The following RASSF7 variants were observed in gnomAD, a reference collection of about 807,000 sequenced individuals.
The protein encoded by RASSF7 is Ras association domain family member 7.
RASSF7 carries 41 observed loss-of-function variants against 33.8 expected under a neutral mutation model. The observed-to-expected ratio is 1.21, with a 90% CI of 0.95 to 1.57. RASSF7 has a LOEUF of 1.57. Among genes scored for constraint, RASSF7 ranks in the 40% most tolerant of loss-of-function variants. RASSF7 has a pLI of 0.00. For synonymous variants in RASSF7, 298 were observed against 212.8 expected (o/e 1.40, Z -3.48); for missense variants, 622 against 497.0 (o/e 1.25, Z -2.39).
rs1853276432 is a variant in RASSF7 at position 561,163 on chromosome 11, C to T, written c.-322C>T. ...AGCGGGGGCGGCGCCGCACCTGCGC[C>T]CGCCCTGCGGAACGGGGACGCCCTG... On this transcript the variant is annotated 5_prime_UTR_variant, in exon 1 of 6. Coordinates refer to ENST00000397583, the MANE Select transcript of RASSF7 (RefSeq NM_003475.4). 4.1e-6 allele frequency: 4 copies of T among 984,856 alleles called. No homozygotes were observed. Among genetic ancestry groups the T allele is most frequent in the Non-Finnish European group, 2.4e-6 (2 of 829,796 alleles). 61.0% of individuals were successfully genotyped at this position (984,856 alleles called of 1,614,324 possible).
At chr11:561,634 G>A (rs1390004608) in intron 1 of RASSF7, 128 bp from the exon 2 acceptor site, 2 of 1,455,068 alleles carry the variant, frequency 1.4e-6, no homozygotes, top group Admixed American at 2.1e-5. Context: ...TGGCACAGGA[G>A]GGTGGGGCCC....
In RASSF7 at chr11:561,089, C is replaced by G. The variant is rs1260854454; in HGVS notation, c.-396C>G. On this transcript the variant is annotated 5_prime_UTR_variant, in exon 1 of 6. Coordinates refer to ENST00000397583, the MANE Select transcript of RASSF7 (RefSeq NM_003475.4). ...AGCGCGGGGCGCGCCTCGAGCCGGC[C>G]GGACGCCGACTCCAACTGGGGAGAG... 1 of 986,670 alleles carries G rather than the reference C, an allele frequency of 1.0e-6. No homozygotes were observed. The highest frequency in any genetic ancestry group is 1.2e-6 in the Non-Finnish European group (1 of 831,094). The allele number at this position is 986,670 out of a possible 1,614,324, so 61.1% of individuals were successfully genotyped here. A position where few individuals can be genotyped will look rare whatever the true frequency, so the allele number is the denominator to read the frequency against.
In RASSF7 at chr11:562,385, C is replaced by T. The variant is rs1436882538; in HGVS notation, c.431C>T (p.Pro144Leu). 3 of 1,579,670 alleles carry T rather than the reference C, an allele frequency of 1.9e-6. No individual in the cohort carries two copies. Among genetic ancestry groups the T allele is most frequent in the Non-Finnish European group, 2.6e-6 (3 of 1,162,876 alleles). ...PSLSRPGPAA[P>L]VTPTPGCCTD... ...CTCTCACGCCCTGGGCCTGCGGCCC[C>T]TGTGACACCCACACCAGGCTGCTGC... The change falls in exon 3 of 6, where the codon CCT (proline) becomes CTT (leucine). Residue 144 changes from proline (P) to leucine (L), a missense_variant. Transcript: ENST00000397583.
intron 1 of RASSF7, 27 bp from the exon 2 acceptor site, chr11:561,735 G>C (rs868721765): frequency 6.2e-7 from 1 of 1,612,592 alleles, no homozygotes; most frequent in East Asian, 2.2e-5. Flanking sequence ...GGCAGGTCCT[G>C]ACCCGGTGCC....
rs1256582447 is a variant in RASSF7, at chr11:562,526, C to G, written c.572C>G (p.Ala191Gly). The G allele has an allele frequency of 6.5e-7, 1 of 1,548,874 alleles. No homozygotes were observed. Among genetic ancestry groups the G allele is most frequent in the East Asian group, 2.4e-5 (1 of 40,926 alleles). ...CAGGCCCGGGAGCGAGAGGGACAGG[C>G]ACGCCTGCAGGCACTAAGTGCGGCC... ...REQAREREGQARLQALSAATA... is the reference protein window; with the variant it reads ...REQAREREGQGRLQALSAATA... The change falls in exon 3 of 6, where the codon GCA (alanine) becomes GGA (glycine). Residue 191 changes from alanine to glycine, a missense_variant. Transcript: ENST00000397583.
rs994806265 is a variant in RASSF7, at chr11:561,153, G to T, written c.-332G>T. The stretch of plus-strand genomic sequence containing the variant: ...CCGGACGGAGAGCGGGGGCGGCGCC[G>T]CACCTGCGCCCGCCCTGCGGAACGG... On this transcript the variant is annotated 5_prime_UTR_variant, in exon 1 of 6. Transcript: ENST00000397583. The T allele has an allele frequency of 2.3e-5, 23 of 984,856 alleles. No individual in the cohort carries two copies. The Admixed American group carries it at 1.4e-3, about 61-fold the overall frequency. 61.0% of individuals were successfully genotyped at this position (984,856 alleles called of 1,614,324 possible).
chr11:562,211 G>C lies in RASSF7; in HGVS notation c.257G>C (p.Arg86Pro), dbSNP rs1400691707. Residue 86 changes from arginine to proline, a missense_variant, in exon 3 of 6, where the codon CGC (arginine) becomes CCC (proline). By Grantham distance (103) the Arg-to-Pro change is moderately radical. Coordinates refer to ENST00000397583, the MANE Select transcript of RASSF7 (RefSeq NM_003475.4). The part of the protein sequence containing the change: ...FASDVQFVLR[R>P]TGPSLAGRPS... ...AGCGATGTCCAGTTTGTCCTGAGGC[G>C]CACAGGGCCCAGCCTAGCTGGGAGG... 3 of 1,607,856 alleles carry C rather than the reference G, an allele frequency of 1.9e-6. No homozygotes were observed. Among genetic ancestry groups the C allele is most frequent in the Non-Finnish European group, 2.5e-6 (3 of 1,177,450 alleles).
rs1853388227 is a variant in RASSF7, at chr11:562,630, G to C, written c.676G>C (p.Glu226Gln). The C allele has an allele frequency of 6.5e-7, 1 of 1,543,488 alleles. No individual in the cohort carries two copies. Among genetic ancestry groups the C allele is most frequent in the Non-Finnish European group, 8.7e-7 (1 of 1,146,776 alleles). Residue 226 changes from glutamate to glutamine, a missense_variant, in exon 3 of 6, where the codon GAG becomes CAG. Coordinates refer to ENST00000397583, the MANE Select transcript of RASSF7 (RefSeq NM_003475.4). ...GGAGGCTGAGCTGCAGCTGGCAGCG[G>C]AGGCCCCTGGGCCCCCCTCACCTAT... ...ALEAELQLAA[E>Q]APGPPSPMAS... is the part of the protein sequence containing the mutation.
Position 561,199 on chromosome 11 carries a change from G to A in RASSF7, c.-286G>A, listed in dbSNP as rs1001759149. 3.0e-6 allele frequency: 3 copies of A among 984,958 alleles called. No homozygotes were observed. In the African/African-American group the frequency reaches 5.2e-5, roughly 17 times the overall value. The allele number at this position is 984,958 out of a possible 1,614,324, so 61.0% of individuals were successfully genotyped here. On this transcript the variant is annotated 5_prime_UTR_variant, in exon 1 of 6. Coordinates refer to ENST00000397583, the MANE Select transcript of RASSF7 (RefSeq NM_003475.4). The stretch of plus-strand genomic sequence containing the variant: ...AACGGGGACGCCCTGGCTCCCGCCA[G>A]GCTGGGGTCGCGGCGCGGGCTTCGG...
In RASSF7 at chr11:562,609, G is replaced by A. The variant is rs775040235; in HGVS notation, c.655G>A (p.Ala219Thr). ...ALDAQARALEAELQLAAEAPG... is the reference protein window; with the variant it reads ...ALDAQARALETELQLAAEAPG... The stretch of plus-strand genomic sequence containing the variant: ...GGACGCTCAGGCCCGTGCCCTGGAG[G>A]CTGAGCTGCAGCTGGCAGCGGAGGC... The change falls in exon 3 of 6, where the codon GCT (alanine) becomes ACT (threonine). Residue 219 changes from alanine to threonine, a missense_variant. Coordinates refer to ENST00000397583, the MANE Select transcript of RASSF7 (RefSeq NM_003475.4). 355 of 1,543,486 alleles carry A rather than the reference G, an allele frequency of 2.3e-4. No individual in the cohort carries two copies. Among genetic ancestry groups the A allele is most frequent in the Non-Finnish European group, 3.0e-4 (345 of 1,146,632 alleles).
At chr11:563,114 G>T in intron 3 of RASSF7, 75 bp from the exon 4 acceptor site, 2 of 1,400,198 alleles carry the variant, frequency 1.4e-6, no homozygotes, top group South Asian at 1.4e-5. Context: ...CCCGACCAGG[G>T]AAAGTGCTCC....
chr11:563,797 C>T lies in RASSF7; in HGVS notation c.*152C>T, dbSNP rs373811537. On this transcript the variant is annotated 3_prime_UTR_variant, in exon 6 of 6. Coordinates refer to ENST00000397583, the MANE Select transcript of RASSF7 (RefSeq NM_003475.4). ...GGGACTGCCCTAGTCCTTGCCAGGT[C>T]GCCAGCACCCTGGAGAAGCATGGGG... The T allele has an allele frequency of 1.1e-4, 82 of 715,288 alleles. No individual in the cohort carries two copies. Among genetic ancestry groups the T allele is most frequent in the South Asian group, 1.1e-3 (60 of 52,916 alleles). The allele number at this position is 715,288 out of a possible 1,614,324, so 44.3% of individuals were successfully genotyped here.
Position 564,007 on chromosome 11 carries a change from A to C in RASSF7, c.*362A>C. On this transcript the variant is annotated 3_prime_UTR_variant, in exon 6 of 6. Coordinates refer to ENST00000397583, the MANE Select transcript of RASSF7 (RefSeq NM_003475.4). The stretch of plus-strand genomic sequence containing the variant: ...TACCCCAACGTGAAAACCTCAATAA[A>C]CTGCCCGAAGCAGCTTGAGTGTGTG... 3.6e-5 allele frequency: 11 copies of C among 307,140 alleles called. No homozygotes were observed. Among genetic ancestry groups the C allele is most frequent in the East Asian group, 1.9e-4 (3 of 15,796 alleles). The allele number at this position is 307,140 out of a possible 1,614,324, so 19.0% of individuals were successfully genotyped here.
In RASSF7 at chr11:562,440, G is replaced by A; in HGVS notation, c.486G>A (p.Val162=). The A allele has an allele frequency of 6.4e-7, 1 of 1,551,760 alleles. No individual in the cohort carries two copies. Among genetic ancestry groups the A allele is most frequent in the East Asian group, 2.4e-5 (1 of 40,974 alleles). Residue 162 remains valine, a synonymous_variant, in exon 3 of 6, where the codon GTG becomes GTA. Transcript: ENST00000397583. ...CTDLRGLELR[V]QRNAEELGHE... is the part of the protein sequence containing the mutation. Reference sequence around the variant, plus strand: ...ACCTGCGGGGCCTGGAGCTCAGGGTGCAGAGGAATGCTGAGGAGCTGGGCC... The same window carrying A: ...ACCTGCGGGGCCTGGAGCTCAGGGTACAGAGGAATGCTGAGGAGCTGGGCC...
Position 562,337 on chromosome 11 carries a change from T to C in RASSF7, c.383T>C (p.Leu128Pro). Residue 128 changes from leucine to proline, a missense_variant, in exon 3 of 6, where the codon CTG (leucine) becomes CCG (proline). By Grantham distance (98) the Leu-to-Pro change is moderately conservative. Coordinates refer to ENST00000397583, the MANE Select transcript of RASSF7 (RefSeq NM_003475.4). ...CTGGGCTGTGAGCCCCGCAAAACAC[T>C]GACCCCCGAGCCAGCCCCCAGCCTC... is the stretch of plus-strand genomic sequence containing the variant. ...AALGCEPRKT[L>P]TPEPAPSLSR... 1 of 1,605,280 alleles carries C rather than the reference T, an allele frequency of 6.2e-7. No homozygotes were observed. The highest frequency in any genetic ancestry group is 1.1e-5 in the South Asian group (1 of 90,050).
chr11:562,535 A>G lies in RASSF7; in HGVS notation c.581A>G (p.Gln194Arg), dbSNP rs1564824103. Reference protein sequence around the residue: ...AREREGQARLQALSAATAEHA... With the variant: ...AREREGQARLRALSAATAEHA... ...GAGCGAGAGGGACAGGCACGCCTGC[A>G]GGCACTAAGTGCGGCCACTGCTGAG... The change falls in exon 3 of 6, where the codon CAG becomes CGG. Residue 194 changes from glutamine (Q) to arginine (R), a missense_variant. By Grantham distance (43) the Gln-to-Arg change is conservative (BLOSUM62 1). Transcript: ENST00000397583. The G allele has an allele frequency of 1.9e-6, 3 of 1,548,408 alleles. No homozygotes were observed. Among genetic ancestry groups the G allele is most frequent in the Non-Finnish European group, 2.6e-6 (3 of 1,146,836 alleles).
chr11:561,283 G>A lies in RASSF7; in HGVS notation c.-202G>A. Reference sequence around the variant, plus strand: ...GCGCAGCGATTAGGCGGCAGCGGCGGGGCTCCCCGGGCTGGCGGGGGCTGC... The same window carrying A: ...GCGCAGCGATTAGGCGGCAGCGGCGAGGCTCCCCGGGCTGGCGGGGGCTGC... On this transcript the variant is annotated 5_prime_UTR_variant, in exon 1 of 6. Transcript: ENST00000397583. 2.0e-6 allele frequency: 2 copies of A among 986,152 alleles called. No homozygotes were observed. Among genetic ancestry groups the A allele is most frequent in the Non-Finnish European group, 2.4e-6 (2 of 830,308 alleles). The allele number at this position is 986,152 out of a possible 1,614,324, so 61.1% of individuals were successfully genotyped here. A position where few individuals can be genotyped will look rare whatever the true frequency, so the allele number is the denominator to read the frequency against.
Position 562,424 on chromosome 11 carries a change from G to C in RASSF7, c.470G>C (p.Gly157Ala), listed in dbSNP as rs528974630. ...PTPGCCTDLR[G>A]LELRVQRNAE... ...CCAGGCTGCTGCACAGACCTGCGGG[G>C]CCTGGAGCTCAGGGTGCAGAGGAAT... Residue 157 changes from glycine to alanine, a missense_variant, in exon 3 of 6, where the codon GGC becomes GCC. Physicochemically the swap from Gly to Ala is moderately conservative, Grantham distance 60. Coordinates refer to ENST00000397583, the MANE Select transcript of RASSF7 (RefSeq NM_003475.4). The C allele has an allele frequency of 6.0e-5, 93 of 1,555,532 alleles. No homozygotes were observed. In the South Asian group the frequency reaches 9.9e-4, roughly 17 times the overall value.
chr11:561,423 TGGCGTGCGGGCGCCTCCGCGCCGCCCG>T lies in RASSF7; in HGVS notation c.-59_-33del. On this transcript the variant is annotated 5_prime_UTR_variant, in exon 1 of 6. Coordinates refer to ENST00000397583, the MANE Select transcript of RASSF7 (RefSeq NM_003475.4). ...TTCCCATGCCGGCGGCCGCGGGGCCTGGCGTGCGGGCGCCTCCGCGCCGCCCGGGGAGGGGGCAGTGTCCTCCGAGCC... is the reference window on the plus strand; with the variant it reads ...TTCCCATGCCGGCGGCCGCGGGGCCTGGGAGGGGGCAGTGTCCTCCGAGCC... The T allele has an allele frequency of 8.8e-7, 1 of 1,138,642 alleles. No homozygotes were observed. The highest frequency in any genetic ancestry group is 1.1e-6 in the Non-Finnish European group (1 of 923,712). The allele number at this position is 1,138,642 out of a possible 1,614,324, so 70.5% of individuals were successfully genotyped here. A position where few individuals can be genotyped will look rare whatever the true frequency, so the allele number is the denominator to read the frequency against.
Sources: allele counts gnomAD v4.1 joint callset, GRCh38; gene constraint gnomAD v4.1.1; transcripts MANE v1.5; gene names NCBI Gene and HGNC (gene_info 2026-07-23, HGNC 2026-07-21).